RFX3: variants seen among roughly 807,000 people sequenced by gnomAD.
RFX3 encodes the protein regulatory factor X3.
RFX3 carries 14 observed loss-of-function variants against 98.6 expected under a neutral mutation model. The ratio of observed to expected loss-of-function variants is 0.14; its 90% confidence interval spans 0.09 to 0.22. The LOEUF (loss-of-function observed/expected upper bound fraction) is 0.22. Among genes scored for constraint, RFX3 ranks in the 10% least tolerant of loss-of-function variants. The pLI, the probability that RFX3 is intolerant of heterozygous loss-of-function variation, is 1.00. For synonymous variants in RFX3, 383 were observed against 328.4 expected, an observed-to-expected ratio of 1.17 and a Z score of -1.80; for missense variants, 639 against 926.9, an observed-to-expected ratio of 0.69 and a Z score of 4.03.
chr9:3,321,701 A>G (rs1382071111), intron 4 of RFX3, among the ~76,000 whole-genome samples: 1 of 152,158 alleles, frequency 6.6e-6, no homozygotes, highest in Non-Finnish European at 1.5e-5. Context: ...TCACCTTTAC[A>G]TAACTGAGTT....
rs1364731085 is a variant in RFX3 at position 3,222,705 on chromosome 9, G to T, written c.*2337C>A. 6.6e-6 allele frequency: 1 copy of T among 152,104 alleles called. No individual in the cohort carries two copies. Among genetic ancestry groups the T allele is most frequent in the Admixed American group, 6.6e-5 (1 of 15,244 alleles). 9.4% of individuals were successfully genotyped at this position (152,104 alleles called of 1,614,324 possible). ...AACACTTCCTATGCACAATGAAGTA[G>T]ATACATGAACTTTTGCAGATTATCA... On this transcript the variant is annotated 3_prime_UTR_variant, in exon 17 of 17. Transcript: ENST00000617270.
Position 3,346,720 on chromosome 9 carries a change from G to T in RFX3, c.162C>A (p.Pro54=). ...TTCCTTCCACATACTGCACCTGAGCGGGATAGACATGTTGTACCTGCTGCA... is the reference window on the plus strand; with the variant it reads ...TTCCTTCCACATACTGCACCTGAGCTGGATAGACATGTTGTACCTGCTGCA... ...QTVQQVQHVY[P]AQVQYVEGSD... Residue 54 remains proline, a synonymous_variant, in exon 3 of 17, where the codon CCC becomes CCA. Transcript: ENST00000617270. 6.2e-7 allele frequency: 1 copy of T among 1,613,708 alleles called. No homozygotes were observed. The highest frequency in any genetic ancestry group is 2.2e-5 in the East Asian group (1 of 44,866).
At chr9:3,260,487 G>A (rs933150980) in intron 13 of RFX3, among the ~76,000 whole-genome samples, 2 of 151,690 alleles carry the variant, frequency 1.3e-5, no homozygotes, top group Admixed American at 1.3e-4. Context: ...AATGCTAACA[G>A]AACACTGAAA....
chr9:3,347,956 A>T (rs1834631663), intron 2 of RFX3, among the ~76,000 whole-genome samples: 1 of 152,210 alleles, frequency 6.6e-6, no homozygotes, highest in African/African-American at 2.4e-5. Flanking sequence ...ACTATTCCTT[A>T]ACATCATCTA....
chr9:3,427,358 T>C (rs1362213314), intron 1 of RFX3, among the ~76,000 whole-genome samples: 1 of 140,176 alleles, frequency 7.1e-6, no homozygotes, highest in Non-Finnish European at 1.5e-5. Context: ...TAATACTATA[T>C]ATAAATATAT....
intron 1 of RFX3, among the ~76,000 whole-genome samples, chr9:3,504,879 T>TATAATATATATTATA (rs1816667365): frequency 1.9e-5 from 1 of 53,184 alleles, no homozygotes; most frequent in Non-Finnish European, 3.0e-5. Context: ...ATTATATATA[T>TATAATATATATTATA]TATATATAAT....
At chr9:3,363,809 T>C (rs1477848595) in intron 2 of RFX3, among the ~76,000 whole-genome samples, 1 of 152,160 alleles carries the variant, frequency 6.6e-6, no homozygotes, top group African/African-American at 2.4e-5. Context: ...TCCCCAAATA[T>C]GGGAATAATG....
At chr9:3,388,616 T>A (rs1488917411) in intron 2 of RFX3, among the ~76,000 whole-genome samples, 5 of 152,132 alleles carry the variant, frequency 3.3e-5, no homozygotes, top group African/African-American at 1.2e-4. Context: ...TGTTCTTTCC[T>A]GAATATAGTC....
chr9:3,312,189 T>C (rs987146361), intron 4 of RFX3, among the ~76,000 whole-genome samples: 9 of 152,214 alleles, frequency 5.9e-5, no homozygotes, highest in African/African-American at 2.2e-4. Flanking sequence ...TGTACATGTA[T>C]ATACATAGTC....
intron 2 of RFX3, among the ~76,000 whole-genome samples, chr9:3,384,561 A>T (rs1839508508): frequency 6.6e-6 from 1 of 152,218 alleles, no homozygotes; most frequent in Non-Finnish European, 1.5e-5. Flanking sequence ...TGAGCCATGC[A>T]TTAAGCATAG....
intron 1 of RFX3, among the ~76,000 whole-genome samples, chr9:3,472,456 C>T (rs1238250646): frequency 6.6e-6 from 1 of 152,038 alleles, no homozygotes; most frequent in Non-Finnish European, 1.5e-5. Context: ...AGTTATCATT[C>T]AAAATTTATG....
chr9:3,484,435 G>C (rs1220230190), intron 1 of RFX3, among the ~76,000 whole-genome samples: 3 of 152,160 alleles, frequency 2.0e-5, no homozygotes, highest in African/African-American at 7.2e-5. Context: ...GTAGGGATGA[G>C]GAGTGGTCAG....
intron 1 of RFX3, among the ~76,000 whole-genome samples, chr9:3,397,483 T>C (rs1292744982): frequency 4.6e-5 from 7 of 152,150 alleles, no homozygotes; most frequent in Admixed American, 1.3e-4. Context: ...CTTCTTCTAA[T>C]TTTCCCCCAA....
chr9:3,355,706 T>C lies in RFX3; in HGVS notation c.118-8942A>G, dbSNP rs139256057. On this transcript the variant is annotated intron_variant, in intron 2 of 16. Transcript: ENST00000617270. ...CTTAACCAAAATGACTTTCACGTCA[T>C]AATCTATGTAACAACAGCAGAACAG... Among the ~76,000 whole-genome samples the C allele has an allele frequency of 3.7e-3, 560 of 151,948 alleles. 3 individuals carry two copies. The highest frequency in any genetic ancestry group is 5.9e-3 in the Non-Finnish European group (401 of 67,828).
At chr9:3,448,166 A>T (rs925066310) in intron 1 of RFX3, among the ~76,000 whole-genome samples, 2 of 148,610 alleles carry the variant, frequency 1.3e-5, no homozygotes, top group African/African-American at 5.3e-5. Flanking sequence ...CATGATTTAA[A>T]AAAAAAAATT....
chr9:3,359,271 C>T (rs2131358722), intron 2 of RFX3, among the ~76,000 whole-genome samples: 1 of 152,212 alleles, frequency 6.6e-6, no homozygotes, highest in African/African-American at 2.4e-5. Flanking sequence ...ATACCTCATT[C>T]TACCAGTGAG....
intron 2 of RFX3, among the ~76,000 whole-genome samples, chr9:3,386,560 T>C (rs1839735211): frequency 1.3e-5 from 2 of 152,168 alleles, no homozygotes; most frequent in African/African-American, 4.8e-5. Flanking sequence ...TAAAGCCCAC[T>C]CAATTTCCAC....
intron 1 of RFX3, among the ~76,000 whole-genome samples, chr9:3,407,478 T>C (rs1842071312): frequency 6.6e-6 from 1 of 152,176 alleles, no homozygotes; most frequent in Admixed American, 6.5e-5. Context: ...CAAGGTCATA[T>C]AACTTCATAT....
intron 2 of RFX3, among the ~76,000 whole-genome samples, chr9:3,374,868 T>A (rs112843595): frequency 6.7e-6 from 1 of 149,118 alleles, no homozygotes; most frequent in African/African-American, 2.5e-5. Flanking sequence ...AAATACAGGT[T>A]AAAAAAAAAA....
Sources: gnomAD v4.1 joint callset for allele counts (sites outside exome capture counted in the v4.1 genomes callset) on GRCh38, gnomAD v4.1.1 for gene constraint, MANE v1.5 for transcripts, NCBI Gene and HGNC (gene_info 2026-07-23, HGNC 2026-07-21) for gene names.